Variants in DENND1A observed in about 807,000 individuals in gnomAD.
The protein encoded by DENND1A is DENN domain-containing protein 1A.
A neutral mutation model predicts 113.7 loss-of-function variants in DENND1A; 51 were observed. The ratio of observed to expected loss-of-function variants is 0.45; its 90% confidence interval spans 0.36 to 0.57. The LOEUF (loss-of-function observed/expected upper bound fraction) is 0.57, where lower values mean the gene tolerates loss of function less well. Ranked by LOEUF, DENND1A falls within the 20% of genes least tolerant of loss-of-function variation. The pLI is 0.00. For missense variants in DENND1A, 1,258 were observed against 1,395.9 expected (o/e 0.90, Z 1.57); for synonymous variants, 565 against 570.8 (o/e 0.99, Z 0.14).
In DENND1A at chr9:123,581,476, G is replaced by A. The variant is rs544311668; in HGVS notation, c.867+1693C>T. ...CAGCAAGACTCCATCTCTACAAAAC[G>A]TAGCTGGGTGTGGTGGCATGTGCCT... On this transcript the variant is annotated intron_variant, in intron 12 of 23. Transcript: ENST00000394215. Among the ~76,000 whole-genome samples the A allele has an allele frequency of 1.5e-3, 234 of 152,112 alleles. 8 individuals are homozygous for A. In the South Asian group the frequency reaches 0.043, roughly 28 times the overall value.
chr9:123,500,265 T>A (rs926447776), intron 13 of DENND1A, among the ~76,000 whole-genome samples: 6 of 152,188 alleles, frequency 3.9e-5, no homozygotes, highest in African/African-American at 9.7e-5. Flanking sequence ...GTAAATGTCA[T>A]TCAGAGAAGA....
chr9:123,721,898 A>C (rs545321005), intron 5 of DENND1A, among the ~76,000 whole-genome samples: 1 of 152,322 alleles, frequency 6.6e-6, no homozygotes, highest in Non-Finnish European at 1.5e-5. Flanking sequence ...GTACCAGTAG[A>C]GTGGGGCATT....
At chr9:123,606,966 A>T (rs552762734) in intron 11 of DENND1A, among the ~76,000 whole-genome samples, 1 of 152,212 alleles carries the variant, frequency 6.6e-6, no homozygotes, top group Non-Finnish European at 1.5e-5. Flanking sequence ...GGGAATGTGG[A>T]TATGTTTAGG....
chr9:123,812,263 T>C (rs1297354808), intron 2 of DENND1A, among the ~76,000 whole-genome samples: 1 of 152,244 alleles, frequency 6.6e-6, no homozygotes, highest in Admixed American at 6.5e-5. Context: ...TTCAAAATTA[T>C]GTTTTTGAGA....
chr9:123,830,273 T>C (rs1236965022), intron 2 of DENND1A, among the ~76,000 whole-genome samples: 1 of 152,114 alleles, frequency 6.6e-6, no homozygotes, highest in African/African-American at 2.4e-5. Context: ...TAGAATACCA[T>C]TTCTATAAGG....
chr9:123,439,035 T>G (rs2046731335), intron 19 of DENND1A, among the ~76,000 whole-genome samples: 1 of 152,210 alleles, frequency 6.6e-6, no homozygotes, highest in South Asian at 2.1e-4. Context: ...AGCAGGAAGC[T>G]GACTCTGGAA....
At position 123,379,978 on chromosome 9, in the gene DENND1A, G is replaced by A. The variant is rs932640675; in HGVS notation, c.*1454C>T. The A allele has an allele frequency of 6.6e-6, 1 of 152,346 alleles. No homozygotes were observed. Among genetic ancestry groups the A allele is most frequent in the Admixed American group, 6.5e-5 (1 of 15,294 alleles). The allele number at this position is 152,346 out of a possible 1,614,324, so 9.4% of individuals were successfully genotyped here. ...GCAGCCAGAGCCCATTCCTGAGCCA[G>A]ACAGGTCACGGTTGACCCAGGAAGA... is the stretch of plus-strand genomic sequence containing the variant. On this transcript the variant is annotated 3_prime_UTR_variant, in exon 24 of 24. Coordinates refer to ENST00000394215, the MANE Select transcript of DENND1A (RefSeq NM_001352964.2).
At chr9:123,393,849 G>A (rs1415717456) in intron 21 of DENND1A, among the ~76,000 whole-genome samples, 1 of 152,212 alleles carries the variant, frequency 6.6e-6, no homozygotes, top group African/African-American at 2.4e-5. Flanking sequence ...ACTGGTTTAG[G>A]GGAGGTGGGA....
At chr9:123,657,664 G>A (rs929081895) in intron 8 of DENND1A, among the ~76,000 whole-genome samples, 4 of 152,034 alleles carry the variant, frequency 2.6e-5, no homozygotes, top group Non-Finnish European at 4.4e-5. Context: ...CAGCTTCCAA[G>A]GCAAGAGGCT....
intron 12 of DENND1A, 33 bp from the exon 13 acceptor site, chr9:123,557,728 G>A (rs759395158): frequency 6.2e-7 from 1 of 1,611,692 alleles, no homozygotes; most frequent in South Asian, 1.1e-5. Context: ...CACAGGTTGA[G>A]GACAGGGTCA....
intron 13 of DENND1A, among the ~76,000 whole-genome samples, chr9:123,478,221 T>G (rs1334470191): frequency 6.6e-6 from 1 of 152,196 alleles, no homozygotes; most frequent in African/African-American, 2.4e-5. Context: ...TCTGCAGAAA[T>G]CCACCATGAG....
intron 4 of DENND1A, 21 bp downstream of exon 4, chr9:123,769,493 A>G (rs1294599849): frequency 2.5e-5 from 40 of 1,589,500 alleles, no homozygotes; most frequent in Non-Finnish European, 3.3e-5. Context: ...TTTCTAGTAA[A>G]GTTTGAAAAT....
At chr9:123,679,436 T>C (rs2064299442) in intron 5 of DENND1A, among the ~76,000 whole-genome samples, 1 of 152,186 alleles carries the variant, frequency 6.6e-6, no homozygotes, top group South Asian at 2.1e-4. Context: ...TCAATTCTTT[T>C]TGGCTATGCT....
At chr9:123,904,589 G>A (rs1036185663) in intron 1 of DENND1A, among the ~76,000 whole-genome samples, 67 of 148,140 alleles carry the variant, frequency 4.5e-4, no homozygotes, top group African/African-American at 1.5e-3. Flanking sequence ...CTCAGGAGCC[G>A]ATGCAATCAA....
At chr9:123,859,615 C>G (rs1245295084) in intron 2 of DENND1A, among the ~76,000 whole-genome samples, 1 of 151,972 alleles carries the variant, frequency 6.6e-6, no homozygotes, top group Admixed American at 6.6e-5. Flanking sequence ...GAAAACATTG[C>G]CCATTCTGCA....
At chr9:123,877,090 T>C (rs1033194263) in intron 2 of DENND1A, among the ~76,000 whole-genome samples, 2 of 152,166 alleles carry the variant, frequency 1.3e-5, no homozygotes, top group Non-Finnish European at 2.9e-5. Flanking sequence ...ATGGGTACAA[T>C]GTACACTATT....
Position 123,476,262 on chromosome 9 carries a change from G to T in DENND1A, c.994-18365C>A, listed in dbSNP as rs139432910. On this transcript the variant is annotated intron_variant, in intron 13 of 23. Transcript: ENST00000394215. Reference sequence around the variant, plus strand: ...TTAATATTGAGATACAGGGATTTCCGTATATGAGAGATGATCTCCTCCAGC... The same window carrying T: ...TTAATATTGAGATACAGGGATTTCCTTATATGAGAGATGATCTCCTCCAGC... 7.7e-3 allele frequency among the ~76,000 whole-genome samples: 1,170 copies of T among 152,172 alleles called. 17 individuals carry two copies. Among genetic ancestry groups the T allele is most frequent in the African/African-American group, 0.026 (1,095 of 41,478 alleles).
At chr9:123,586,256 C>A (rs918401619) in intron 11 of DENND1A, among the ~76,000 whole-genome samples, 20 of 152,120 alleles carry the variant, frequency 1.3e-4, no homozygotes, top group Non-Finnish European at 2.1e-4. Flanking sequence ...TGAATGGCCC[C>A]ATGAATGGGA....
At chr9:123,917,478 G>C (rs2134107676) in intron 1 of DENND1A, among the ~76,000 whole-genome samples, 1 of 152,216 alleles carries the variant, frequency 6.6e-6, no homozygotes, top group East Asian at 1.9e-4. Context: ...CTTTGATATA[G>C]GTATGGAAAA....
Sources: gnomAD v4.1 joint callset for allele counts (sites outside exome capture counted in the v4.1 genomes callset) on GRCh38, gnomAD v4.1.1 for gene constraint, MANE v1.5 for transcripts, NCBI Gene and HGNC (gene_info 2026-07-23, HGNC 2026-07-21) for gene names.